Variants in RGS6 observed in about 807,000 individuals in gnomAD.
The protein encoded by RGS6 is regulator of G-protein signaling 6.
In RGS6, 30 loss-of-function variants were observed where a neutral mutation model predicts 78.5. The observed-to-expected ratio is 0.38, with a 90% CI of 0.29 to 0.52. The LOEUF (loss-of-function observed/expected upper bound fraction) is 0.52. Ranked by LOEUF, RGS6 falls within the 20% of genes least tolerant of loss-of-function variation. RGS6 has a pLI of 0.85. For missense variants in RGS6, 495 were observed against 609.7 expected, an observed-to-expected ratio of 0.81 and a Z score of 1.98; for synonymous variants, 206 against 206.0, an observed-to-expected ratio of 1.00 and a Z score of 0.00.
intron 2 of RGS6, among the ~76,000 whole-genome samples, chr14:72,106,089 TATAGCAC>T (rs1461602838): frequency 6.6e-6 from 1 of 152,110 alleles, no homozygotes; most frequent in Non-Finnish European, 1.5e-5. Context: ...GAATCAGCTG[TATAGCAC>T]ATCAGAGAAC....
At chr14:71,953,878 A>G (rs1214887962) in intron 1 of RGS6, among the ~76,000 whole-genome samples, 1 of 150,774 alleles carries the variant, frequency 6.6e-6, no homozygotes, top group Admixed American at 6.6e-5. Context: ...GCTGGTGATA[A>G]ATTTCCTCAG....
At chr14:71,955,486 AGCC>A (rs1159582896) in intron 1 of RGS6, among the ~76,000 whole-genome samples, 2 of 152,226 alleles carry the variant, frequency 1.3e-5, no homozygotes, top group Non-Finnish European at 2.9e-5. Flanking sequence ...TAGATAGAGC[AGCC>A]CTGAGGGCTT....
chr14:72,038,654 T>C (rs1360443144), intron 2 of RGS6, among the ~76,000 whole-genome samples: 1 of 152,236 alleles, frequency 6.6e-6, no homozygotes, highest in African/African-American at 2.4e-5. Flanking sequence ...TTTGGAATTG[T>C]TTTAAATATC....
At chr14:72,619,222 G>T in the RGS6 span, 1 of 1,415,558 alleles carries the variant, frequency 7.1e-7, no homozygotes, top group Non-Finnish European at 9.6e-7. Context: ...TATGTGGGAG[G>T]AGGGCGCGTT....
chr14:72,397,274 A>G (rs561101046), intron 3 of RGS6, among the ~76,000 whole-genome samples: 1 of 152,048 alleles, frequency 6.6e-6, no homozygotes, highest in African/African-American at 2.4e-5. Flanking sequence ...CATCCCTTGT[A>G]AGTTGGATTC....
At chr14:72,032,110 G>C (rs553487660) in intron 2 of RGS6, among the ~76,000 whole-genome samples, 6 of 152,196 alleles carry the variant, frequency 3.9e-5, no homozygotes, top group African/African-American at 1.4e-4. Context: ...ATTTCATATA[G>C]AGACCACACC....
intron 2 of RGS6, among the ~76,000 whole-genome samples, chr14:72,222,544 C>T (rs1420744552): frequency 2.0e-5 from 3 of 152,152 alleles, no homozygotes; most frequent in Admixed American, 6.5e-5. Context: ...GTCATCACTT[C>T]GATTCCATTT....
chr14:72,536,234 C>A lies in RGS6; in HGVS notation c.1327C>A (p.Arg443=). 6.2e-7 allele frequency: 1 copy of A among 1,613,954 alleles called. No individual in the cohort carries two copies. The highest frequency in any genetic ancestry group is 1.1e-5 in the South Asian group (1 of 91,068). ...MKSDSYARFL[R]SNAYQDLLLA... is the part of the protein sequence containing the mutation. ...GAGTGACAGCTATGCCCGCTTCCTCCGGTCAAATGCTTACCAGGATTTGCT... is the reference window on the plus strand; with the variant it reads ...GAGTGACAGCTATGCCCGCTTCCTCAGGTCAAATGCTTACCAGGATTTGCT... Residue 443 remains arginine (R), a synonymous_variant, in exon 16 of 18, where the codon CGG becomes AGG. Coordinates refer to ENST00000553525, the MANE Select transcript of RGS6 (RefSeq NM_001204424.2).
chr14:72,386,042 A>G (rs999407063), intron 3 of RGS6, among the ~76,000 whole-genome samples: 3 of 152,062 alleles, frequency 2.0e-5, no homozygotes, highest in South Asian at 2.1e-4. Context: ...ATTTCCCCTC[A>G]TCACGGACTT....
chr14:71,883,926 C>A, the RGS6 span, among the ~76,000 whole-genome samples: 1 of 152,120 alleles, frequency 6.6e-6, no homozygotes. Context: ...AATAATCCAC[C>A]CCCTGTTTAG....
At chr14:72,075,041 G>T (rs1202005017) in intron 2 of RGS6, among the ~76,000 whole-genome samples, 1 of 152,154 alleles carries the variant, frequency 6.6e-6, no homozygotes, top group African/African-American at 2.4e-5. Context: ...TTTTGTTCAG[G>T]ATTTTCTTGA....
At chr14:72,191,144 G>A (rs1330798983) in intron 2 of RGS6, among the ~76,000 whole-genome samples, 1 of 152,166 alleles carries the variant, frequency 6.6e-6, no homozygotes, top group Non-Finnish European at 1.5e-5. Context: ...ACCCTTTACA[G>A]CTTCCCAAGA....
rs1312777724 is a variant in RGS6 at position 72,537,479 on chromosome 14, G to T, written c.1368+1204G>T. ...AGAGGACTTCTGGGGTATCCCAGTT[G>T]TCAGCAGCTCTCTGGGTTTCCTGCA... On this transcript the variant is annotated intron_variant, in intron 16 of 17. Transcript: ENST00000553525. 6 of 702,348 alleles carry T rather than the reference G, an allele frequency of 8.5e-6. No homozygotes were observed. In the Admixed American group the frequency reaches 1.2e-4, roughly 14 times the overall value. The allele number at this position is 702,348 out of a possible 1,614,324, so 43.5% of individuals were successfully genotyped here.
chr14:72,364,298 G>C (rs847328), intron 3 of RGS6, among the ~76,000 whole-genome samples: 39,646 of 152,054 alleles, frequency 0.26, 5,405 homozygotes, highest in South Asian at 0.44. Flanking sequence ...CACTAGAGTA[G>C]AGAATTACAT....
intron 12 of RGS6, among the ~76,000 whole-genome samples, chr14:72,490,019 C>T (rs2096556703): frequency 6.6e-6 from 1 of 152,206 alleles, no homozygotes; most frequent in Non-Finnish European, 1.5e-5. Flanking sequence ...TGCCATAGTG[C>T]TTTCTTACAG....
chr14:72,400,674 T>C (rs1183528899), intron 3 of RGS6, among the ~76,000 whole-genome samples: 3 of 152,368 alleles, frequency 2.0e-5, no homozygotes, highest in African/African-American at 7.2e-5. Context: ...ATTTGAATTC[T>C]TTCTATGCAT....
At chr14:72,129,487 C>T (rs2096270759) in intron 2 of RGS6, among the ~76,000 whole-genome samples, 1 of 152,208 alleles carries the variant, frequency 6.6e-6, no homozygotes, top group Non-Finnish European at 1.5e-5. Context: ...TATGGCTGCA[C>T]AACAAACTAC....
intron 2 of RGS6, among the ~76,000 whole-genome samples, chr14:72,240,277 C>T (rs750212046): frequency 6.6e-6 from 1 of 152,158 alleles, no homozygotes; most frequent in Non-Finnish European, 1.5e-5. Flanking sequence ...CTCCCATCCT[C>T]ATTGATAGTA....
chr14:72,356,426 T>G (rs1056757188), intron 3 of RGS6, among the ~76,000 whole-genome samples: 1 of 152,220 alleles, frequency 6.6e-6, no homozygotes, highest in Non-Finnish European at 1.5e-5. Context: ...TGTGAGTCAA[T>G]TAAGCTTCTT....
Sources: gnomAD v4.1 joint callset for allele counts (sites outside exome capture counted in the v4.1 genomes callset) on GRCh38, gnomAD v4.1.1 for gene constraint, MANE v1.5 for transcripts, NCBI Gene and HGNC (gene_info 2026-07-23, HGNC 2026-07-21) for gene names.